Variants in UBXN8 observed in about 807,000 individuals in gnomAD.
UBXN8 encodes UBX domain-containing protein 8.
UBXN8 carries 27 observed loss-of-function variants against 32.1 expected under a neutral mutation model. The ratio of observed to expected loss-of-function variants is 0.84; its 90% CI spans 0.62 to 1.16. The LOEUF (loss-of-function observed/expected upper bound fraction) is 1.16. Ranked by LOEUF, UBXN8 falls within the 50% of genes most tolerant of loss-of-function variation. The pLI, the probability that UBXN8 is intolerant of heterozygous loss-of-function variation, is 0.00. For synonymous variants in UBXN8, 109 were observed against 111.8 expected, an observed-to-expected ratio of 0.98 and a Z score of 0.16; for missense variants, 306 against 311.4, an observed-to-expected ratio of 0.98 and a Z score of 0.13.
intron 1 of UBXN8, among the ~76,000 whole-genome samples, chr8:30,746,394 C>T (rs1313397280): frequency 1.3e-5 from 2 of 151,914 alleles, no homozygotes; most frequent in Non-Finnish European, 2.9e-5. Context: ...ATACTTTATA[C>T]CAGCAGCAGG....
upstream of UBXN8, among the ~76,000 whole-genome samples, chr8:30,729,957 A>C (rs944442917): frequency 5.9e-5 from 9 of 152,090 alleles, no homozygotes; most frequent in African/African-American, 2.2e-4. Flanking sequence ...ATCCCGCTCC[A>C]CCCACCGAGG....
Position 30,744,225 on chromosome 8 carries a change from C to G in UBXN8, c.36C>G (p.Leu12=), listed in dbSNP as rs755838870. 4.3e-6 allele frequency: 7 copies of G among 1,613,798 alleles called. No homozygotes were observed. The change falls in exon 1 of 8, where the codon CTC becomes CTG. Residue 12 remains leucine, a synonymous_variant. Coordinates refer to ENST00000265616, the MANE Select transcript of UBXN8 (RefSeq NM_005671.4). ...GTGGGGTTGTTGGCATTTTCTTCCT[C>G]TCTGCTGTCCCCCTTGTGTGTCTGG... ...ASRGVVGIFF[L]SAVPLVCLEL...
chr8:30,732,402 G>GT (rs769732130), upstream of UBXN8: 5 of 395,654 alleles, frequency 1.3e-5, no homozygotes, highest in Non-Finnish European at 2.2e-5. Flanking sequence ...ATCCGACGGG[G>GT]AGTGCAGCCT....
intron 1 of UBXN8, among the ~76,000 whole-genome samples, chr8:30,748,549 CT>C (rs58831808): frequency 1.4e-5 from 2 of 146,434 alleles, no homozygotes; most frequent in Non-Finnish European, 1.5e-5. Flanking sequence ...ATGTTTTTTT[CT>C]TTTTTTTTGA....
chr8:30,761,046 A>G, intron 6 of UBXN8, 117 bp downstream of exon 6: 1 of 690,482 alleles, frequency 1.4e-6, no homozygotes, highest in East Asian at 2.9e-5. Flanking sequence ...ATAAGTGTTC[A>G]TGTGATTATA....
At chr8:30,744,118 G>A (rs1475026418), upstream of UBXN8, 11 of 1,468,098 alleles carry the variant, frequency 7.5e-6, no homozygotes, top group African/African-American at 2.8e-5. Context: ...GGCAAGAAGA[G>A]TTCCACTTCC....
At chr8:30,765,639 C>T (rs75782650) in intron 7 of UBXN8, among the ~76,000 whole-genome samples, 27,768 of 150,870 alleles carry the variant, frequency 0.18, 2,598 homozygotes, top group South Asian at 0.3. Context: ...CTGCAACCTC[C>T]GCCTCCTGGG....
chr8:30,744,357 G>A, intron 1 of UBXN8, 80 bp downstream of exon 1: 2 of 1,408,330 alleles, frequency 1.4e-6, no homozygotes, highest in Non-Finnish European at 9.9e-7. Context: ...CGCCTCTTCG[G>A]CTGCGTGGCT....
At chr8:30,729,146 T>C (rs1812859234), upstream of UBXN8, among the ~76,000 whole-genome samples, 1 of 152,242 alleles carries the variant, frequency 6.6e-6, no homozygotes, top group East Asian at 1.9e-4. Context: ...TTAGGGGGCT[T>C]AGGCCTGCCC....
At chr8:30,744,561 G>A in intron 1 of UBXN8, 2 of 501,012 alleles carry the variant, frequency 4.0e-6, no homozygotes, top group Non-Finnish European at 7.1e-6. Flanking sequence ...GAAATAAACA[G>A]GTTGATAAGA....
chr8:30,735,443 C>T (rs1805050283), intron 1 of UBXN8, among the ~76,000 whole-genome samples: 1 of 152,102 alleles, frequency 6.6e-6, no homozygotes, highest in African/African-American at 2.4e-5. Context: ...TGTAGTCCCA[C>T]CCACTCAGGA....
chr8:30,763,059 G>A, intron 6 of UBXN8: 2 of 525,180 alleles, frequency 3.8e-6, no homozygotes, highest in South Asian at 4.6e-5. Flanking sequence ...ATGGCGGGGG[G>A]TGTCTCAAAC....
intron 5 of UBXN8, among the ~76,000 whole-genome samples, chr8:30,760,029 C>A (rs1586104562): frequency 6.9e-6 from 1 of 145,346 alleles, no homozygotes; most frequent in African/African-American, 2.6e-5. Flanking sequence ...ATGTTTGAAG[C>A]AAAATAATTT....
intron 1 of UBXN8, among the ~76,000 whole-genome samples, chr8:30,734,597 G>A (rs907598126): frequency 2.0e-5 from 3 of 151,756 alleles, no homozygotes; most frequent in Non-Finnish European, 4.4e-5. Flanking sequence ...TCCAGCTTGG[G>A]TGACAGAATG....
At chr8:30,760,787 C>T (rs1489559299) in intron 5 of UBXN8, 101 bp from the exon 6 acceptor site, 4 of 705,954 alleles carry the variant, frequency 5.7e-6, no homozygotes, top group Non-Finnish European at 9.6e-6. Flanking sequence ...TATAAGTAAG[C>T]TTAGATGTGT....
chr8:30,731,881 A>C (rs1467413669), upstream of UBXN8, among the ~76,000 whole-genome samples: 1 of 152,176 alleles, frequency 6.6e-6, no homozygotes, highest in Admixed American at 6.5e-5. Context: ...GCCTGTTCCC[A>C]AGCCTGGGAC....
At chr8:30,736,739 T>A (rs549532484) in intron 1 of UBXN8, among the ~76,000 whole-genome samples, 57 of 152,182 alleles carry the variant, frequency 3.7e-4, no homozygotes, top group Non-Finnish European at 7.3e-4. Flanking sequence ...TCTCAAAGTG[T>A]TGGGATTACA....
chr8:30,741,264 C>T (rs1364687083), upstream of UBXN8, among the ~76,000 whole-genome samples: 1 of 151,918 alleles, frequency 6.6e-6, no homozygotes, highest in Non-Finnish European at 1.5e-5. Context: ...CATGTGCCTG[C>T]AGTCCCAGCT....
chr8:30,733,940 G>C (rs1805022087), intron 1 of UBXN8: 1 of 152,210 alleles, frequency 6.6e-6, no homozygotes, highest in African/African-American at 2.4e-5. Flanking sequence ...AAAGGATAGA[G>C]ATGGAGACAC....
Sources: gnomAD v4.1 joint callset for allele counts (sites outside exome capture counted in the v4.1 genomes callset) on GRCh38, gnomAD v4.1.1 for gene constraint, MANE v1.5 for transcripts, NCBI Gene and HGNC (gene_info 2026-07-23, HGNC 2026-07-21) for gene names.